The following EPG5 variants were observed in gnomAD, a reference collection of about 807,000 sequenced individuals.
EPG5 encodes ectopic P granules protein 5 homolog.
EPG5 carries 159 observed loss-of-function variants against 302.7 expected under a neutral mutation model. That is an observed-to-expected ratio of 0.53 (90% confidence interval 0.46 to 0.60). EPG5 has a LOEUF of 0.60. Among genes scored for constraint, EPG5 ranks in the 20% least tolerant of loss-of-function variants. The pLI, the probability that EPG5 is intolerant of heterozygous loss-of-function variation, is 0.00. For synonymous variants in EPG5, 1,158 were observed against 1,136.8 expected (o/e 1.02, Z -0.37); for missense variants, 2,896 against 3,092.4 (o/e 0.94, Z 1.51).
At chr18:45,900,492 G>A (rs901938817) in intron 26 of EPG5, among the ~76,000 whole-genome samples, 5 of 151,428 alleles carry the variant, frequency 3.3e-5, no homozygotes, top group Non-Finnish European at 2.9e-5. Flanking sequence ...CTTACTCCAC[G>A]TACGCTCCTT....
At chr18:45,879,280 C>CCCCCA in intron 32 of EPG5, 66 bp from the exon 33 acceptor site, 2 of 1,158,544 alleles carry the variant, frequency 1.7e-6, no homozygotes, top group Non-Finnish European at 2.5e-6. Flanking sequence ...TTATGATACA[C>CCCCCA]TGTGATGGGG....
intron 34 of EPG5, among the ~76,000 whole-genome samples, chr18:45,877,604 T>A (rs781334842): frequency 2.6e-5 from 4 of 152,128 alleles, no homozygotes; most frequent in Non-Finnish European, 5.9e-5. Flanking sequence ...AAGCAAACAT[T>A]CAGAACCTTT....
chr18:45,838,687 T>C, the EPG5 span: 2 of 1,535,800 alleles, frequency 1.3e-6, no homozygotes, highest in East Asian at 2.4e-5. Context: ...AGGGGTGCCC[T>C]TGTGACAGTC....
At chr18:45,891,583 C>T (rs1470383092) in intron 27 of EPG5, among the ~76,000 whole-genome samples, 2 of 151,142 alleles carry the variant, frequency 1.3e-5, no homozygotes, top group Non-Finnish European at 2.9e-5. Flanking sequence ...CACAGCATAA[C>T]TCTGACAATA....
chr18:45,807,700 A>G, the EPG5 span, among the ~76,000 whole-genome samples: 1 of 152,174 alleles, frequency 6.6e-6, no homozygotes, highest in African/African-American at 2.4e-5. Flanking sequence ...CATCAAGGGA[A>G]CACCCTGTGG....
At chr18:45,895,531 C>T (rs976410549) in intron 27 of EPG5, among the ~76,000 whole-genome samples, 1 of 152,066 alleles carries the variant, frequency 6.6e-6, no homozygotes, top group African/African-American at 2.4e-5. Context: ...CCAGCACAGA[C>T]AGTAGGCAAA....
At chr18:45,825,151 GA>G in the EPG5 span, among the ~76,000 whole-genome samples, 5 of 112,824 alleles carry the variant, frequency 4.4e-5, no homozygotes, top group Admixed American at 1.0e-4. Context: ...GGGAGGGAGG[GA>G]AGGAAGGGAG....
At chr18:45,919,807 C>T (rs1297227088) in intron 16 of EPG5, among the ~76,000 whole-genome samples, 3 of 152,136 alleles carry the variant, frequency 2.0e-5, no homozygotes. Context: ...CCACTGCACC[C>T]GGCCTACATG....
intron 13 of EPG5, among the ~76,000 whole-genome samples, chr18:45,928,091 G>C (rs1334455004): frequency 6.6e-6 from 1 of 152,072 alleles, no homozygotes; most frequent in East Asian, 1.9e-4. Context: ...AGCTACTTGG[G>C]AGGCTGAGAT....
In EPG5 at chr18:45,866,956, G is replaced by T; in HGVS notation, c.6463C>A (p.Leu2155Ile). The change falls in exon 38 of 44, where the codon CTT (leucine) becomes ATT (isoleucine). Residue 2155 changes from leucine (L) to isoleucine (I), a missense_variant. Around this residue, in one of 5 missense-constraint regions of EPG5, gnomAD observed 620 missense variants for 704.2 expected, o/e 0.88. Coordinates refer to ENST00000282041, the MANE Select transcript of EPG5 (RefSeq NM_020964.3). ...LGQTSSLSWHLVDIVSYQSVL... is the reference protein window; with the variant it reads ...LGQTSSLSWHIVDIVSYQSVL... Reference sequence around the variant, plus strand: ...CTCTGGTACGACACAATATCCACAAGATGCCATGAAAGTGAGCTTGTCTGT... The same window carrying T: ...CTCTGGTACGACACAATATCCACAATATGCCATGAAAGTGAGCTTGTCTGT... 1.2e-6 allele frequency: 2 copies of T among 1,614,214 alleles called. No individual in the cohort carries two copies. The highest frequency in any genetic ancestry group is 1.7e-6 in the Non-Finnish European group (2 of 1,180,026).
intron 41 of EPG5, 82 bp from the exon 42 acceptor site, chr18:45,858,150 G>T (rs2145193875): frequency 2.0e-6 from 2 of 1,019,986 alleles, no homozygotes; most frequent in Non-Finnish European, 2.9e-6. Flanking sequence ...ATCAGAGTTT[G>T]AAGGATAGGA....
Position 45,954,394 on chromosome 18 carries a change from C to G in EPG5, c.1008G>C (p.Gln336His). ...TTCCCCAGGCTTCTGATCAAAATACCTGTACAGACATTTGTTCCTCCTTAA... is the reference window on the plus strand; with the variant it reads ...TTCCCCAGGCTTCTGATCAAAATACGTGTACAGACATTTGTTCCTCCTTAA... Reference protein sequence around the residue: ...WQFKEEQMSVQGICADQVKVF... With the variant: ...WQFKEEQMSVHGICADQVKVF... The change falls in exon 2 of 44, where the codon CAG becomes CAC. Residue 336 changes from glutamine (Q) to histidine (H), a missense_variant and splice_region_variant. By Grantham distance (24) the Gln-to-His change is conservative (BLOSUM62 0). This residue lies in a region of EPG5 where 1,390 missense variants were observed against 1,430.0 expected (regional missense o/e 0.97). Coordinates refer to ENST00000282041, the MANE Select transcript of EPG5 (RefSeq NM_020964.3). 6.3e-7 allele frequency: 1 copy of G among 1,594,122 alleles called. No homozygotes were observed. Among genetic ancestry groups the G allele is most frequent in the Admixed American group, 1.8e-5 (1 of 56,898 alleles).
intron 20 of EPG5, among the ~76,000 whole-genome samples, chr18:45,914,564 G>A (rs796303424): frequency 3.3e-5 from 5 of 152,346 alleles, no homozygotes; most frequent in South Asian, 2.1e-4. Flanking sequence ...GGTTATGTGC[G>A]AAGCACTGTT....
intron 33 of EPG5, among the ~76,000 whole-genome samples, 162 bp downstream of exon 33, chr18:45,878,851 T>C (rs1178771764): frequency 2.0e-5 from 3 of 152,246 alleles, no homozygotes; most frequent in African/African-American, 7.2e-5. Context: ...TATCCATTCA[T>C]ATATTGTGAC....
intron 7 of EPG5, among the ~76,000 whole-genome samples, chr18:45,944,684 G>A (rs1011403007): frequency 1.3e-5 from 2 of 151,364 alleles, no homozygotes; most frequent in African/African-American, 4.9e-5. Flanking sequence ...GAACCTGGGA[G>A]TCGGAGGTTG....
In EPG5 at chr18:45,899,515, T is replaced by C. The variant is rs777786390; in HGVS notation, c.4698A>G (p.Leu1566=). Reference sequence around the variant, plus strand: ...TCACATACTGCTTTGGCATTGTGTCTAACAGCTCACCATCCAGAGCAACCT... The same window carrying C: ...TCACATACTGCTTTGGCATTGTGTCCAACAGCTCACCATCCAGAGCAACCT... ...SQQVALDGEL[L]DTMPKQYVNR... Residue 1566 remains leucine (L), a synonymous_variant, in exon 27 of 44, where the codon TTA becomes TTG. Transcript: ENST00000282041. 1 of 1,614,206 alleles carries C rather than the reference T, an allele frequency of 6.2e-7. No individual in the cohort carries two copies. Among genetic ancestry groups the C allele is most frequent in the South Asian group, 1.1e-5 (1 of 91,092 alleles).
Position 45,876,245 on chromosome 18 carries a change from T to A in EPG5, c.6040A>T (p.Ser2014Cys), listed in dbSNP as rs1397326089. ...CCTGACATCTTCCTACCTTTAAAAC[T>A]CTCATGCAGTGAGTCAATACAGTCA... Reference protein sequence around the residue: ...FTDCIDSLHESFKDKLLPGDA... With the variant: ...FTDCIDSLHECFKDKLLPGDA... Residue 2014 changes from serine (S) to cysteine (C), a missense_variant, in exon 35 of 44, where the codon AGT becomes TGT. Coordinates refer to ENST00000282041, the MANE Select transcript of EPG5 (RefSeq NM_020964.3). The A allele has an allele frequency of 1.2e-6, 2 of 1,611,210 alleles. No individual in the cohort carries two copies. Among genetic ancestry groups the A allele is most frequent in the Non-Finnish European group, 1.7e-6 (2 of 1,177,574 alleles).
At position 45,943,286 on chromosome 18, in the gene EPG5, T is replaced by C. The variant is rs1322081010; in HGVS notation, c.1818A>G (p.Arg606=). The change falls in exon 9 of 44, where the codon AGA becomes AGG. Residue 606 remains arginine, a synonymous_variant. Coordinates refer to ENST00000282041, the MANE Select transcript of EPG5 (RefSeq NM_020964.3). ...CAAAAATTTTCATCATCTCTTGAGGTCTTGTTGTTTCAGGTAAATAATCAC... is the reference window on the plus strand; with the variant it reads ...CAAAAATTTTCATCATCTCTTGAGGCCTTGTTGTTTCAGGTAAATAATCAC... ...AKGDYLPETT[R]PQEMMKIFAF... 6.2e-7 allele frequency: 1 copy of C among 1,613,934 alleles called. No homozygotes were observed. The highest frequency in any genetic ancestry group is 8.5e-7 in the Non-Finnish European group (1 of 1,179,972).
rs1234826157 is a variant in EPG5 at position 45,913,812 on chromosome 18, G to A, written c.3710C>T (p.Thr1237Ile). 3.1e-6 allele frequency: 5 copies of A among 1,613,908 alleles called. No individual in the cohort carries two copies. Among genetic ancestry groups the A allele is most frequent in the Non-Finnish European group, 4.2e-6 (5 of 1,179,984 alleles). ...ATPTQVWFAW[T>I]VLNMESIFEE... ...AAAGATGGATTCCATGTTGAGCACT[G>A]TCCAGGCAAACCAGACCTATAATGA... Residue 1237 changes from threonine to isoleucine, a missense_variant, in exon 21 of 44, where the codon ACA (threonine) becomes ATA (isoleucine). By Grantham distance (89) the Thr-to-Ile change is moderately conservative (BLOSUM62 -1). This residue lies in a region of EPG5 where 64 missense variants were observed against 101.8 expected (regional missense o/e 0.63). Coordinates refer to ENST00000282041, the MANE Select transcript of EPG5 (RefSeq NM_020964.3).
Sources: allele counts gnomAD v4.1 joint callset (sites outside exome capture counted in the v4.1 genomes callset), GRCh38; gene constraint gnomAD v4.1.1; regional missense constraint gnomAD v4.1.1; transcripts MANE v1.5; gene names NCBI Gene and HGNC (gene_info 2026-07-23, HGNC 2026-07-21).